CADM1: variants seen among roughly 807,000 people sequenced by gnomAD.
CADM1 encodes TSLC-1.
Under a neutral mutation model 53.1 loss-of-function variants are expected in CADM1, and 15 were observed. The ratio of observed to expected loss-of-function variants is 0.28; its 90% CI spans 0.19 to 0.44. CADM1 has a LOEUF of 0.44. Among genes scored for constraint, CADM1 ranks in the 20% least tolerant of loss-of-function variants. The pLI, the probability that CADM1 is intolerant of heterozygous loss-of-function variation, is 1.00. For synonymous variants in CADM1, 281 were observed against 243.0 expected, an observed-to-expected ratio of 1.16 and a Z score of -1.45; for missense variants, 434 against 611.3, an observed-to-expected ratio of 0.71 and a Z score of 3.06.
chr11:115,370,034 C>T (rs1235324209), intron 1 of CADM1, among the ~76,000 whole-genome samples: 1 of 152,204 alleles, frequency 6.6e-6, no homozygotes, highest in African/African-American at 2.4e-5. Context: ...GCCCTGATCT[C>T]TCCTTCAAGT....
Position 115,200,415 on chromosome 11 carries a change from G to A in CADM1, c.1079-1977C>T, listed in dbSNP as rs560864435. Among the ~76,000 whole-genome samples the A allele has an allele frequency of 3.9e-5, 6 of 152,240 alleles. No individual in the cohort carries two copies. In the East Asian group the frequency reaches 5.8e-4, roughly 15 times the overall value. ...TTAATACATTTTATAGATAGGCATC[G>A]GCTCCTTTCCAAAATTACAAAAAAG... On this transcript the variant is annotated intron_variant, in intron 8 of 11. Transcript: ENST00000331581.
chr11:115,242,199 G>C (rs1942259902), intron 1 of CADM1, among the ~76,000 whole-genome samples: 1 of 151,922 alleles, frequency 6.6e-6, no homozygotes, highest in Admixed American at 6.6e-5. Flanking sequence ...TAGGATCCAG[G>C]GAATTAACCC....
chr11:115,483,289 C>G (rs1949296828), intron 1 of CADM1, among the ~76,000 whole-genome samples: 1 of 152,188 alleles, frequency 6.6e-6, no homozygotes, highest in Non-Finnish European at 1.5e-5. Flanking sequence ...ATTAACCTGG[C>G]AGTCAAAACT....
intron 1 of CADM1, among the ~76,000 whole-genome samples, chr11:115,245,564 C>T (rs1942381577): frequency 1.3e-5 from 2 of 152,190 alleles, no homozygotes; most frequent in South Asian, 4.1e-4. Context: ...GTGGGCCCAA[C>T]TTGGAAGAAG....
chr11:115,488,563 T>C (rs1949427655), intron 1 of CADM1, among the ~76,000 whole-genome samples: 1 of 152,222 alleles, frequency 6.6e-6, no homozygotes, highest in South Asian at 2.1e-4. Context: ...TCCACCTCTA[T>C]ATTCACAGGA....
chr11:115,355,517 G>A (rs564018553), intron 1 of CADM1, among the ~76,000 whole-genome samples: 56 of 152,188 alleles, frequency 3.7e-4, no homozygotes, highest in African/African-American at 1.1e-3. Flanking sequence ...TATTGGGTAC[G>A]AGGCTTAGTA....
chr11:115,220,144 G>A (rs562673103), intron 5 of CADM1, among the ~76,000 whole-genome samples: 1 of 152,106 alleles, frequency 6.6e-6, no homozygotes. Context: ...GCTGGCCTAT[G>A]TGGAAGGATT....
intron 1 of CADM1, among the ~76,000 whole-genome samples, chr11:115,426,485 G>A (rs1373050452): frequency 6.6e-6 from 1 of 152,090 alleles, no homozygotes; most frequent in African/African-American, 2.4e-5. Flanking sequence ...TGTAAAGAAA[G>A]CCTTTCCCCT....
At chr11:115,318,859 A>G (rs1555064269) in intron 1 of CADM1, among the ~76,000 whole-genome samples, 1 of 152,236 alleles carries the variant, frequency 6.6e-6, no homozygotes, top group Non-Finnish European at 1.5e-5. Context: ...TGTAATACAC[A>G]TAAGCATTTT....
chr11:115,459,538 G>C (rs1477268362), intron 1 of CADM1, among the ~76,000 whole-genome samples: 2 of 152,110 alleles, frequency 1.3e-5, no homozygotes, highest in African/African-American at 2.4e-5. Flanking sequence ...AGAAAAGAAA[G>C]AGAGAAGAAA....
intron 1 of CADM1, among the ~76,000 whole-genome samples, chr11:115,389,442 T>A (rs1008742755): frequency 1.3e-5 from 2 of 152,228 alleles, no homozygotes; most frequent in African/African-American, 4.8e-5. Flanking sequence ...AAGATATTTG[T>A]CAAAGCATTG....
chr11:115,284,367 A>G (rs895817920), intron 1 of CADM1, among the ~76,000 whole-genome samples: 1 of 152,080 alleles, frequency 6.6e-6, no homozygotes, highest in African/African-American at 2.4e-5. Flanking sequence ...CACACAGCAC[A>G]AGAGAAGGGA....
intron 6 of CADM1, 75 bp downstream of exon 6, chr11:115,217,817 C>A: frequency 2.2e-6 from 2 of 909,540 alleles, no homozygotes; most frequent in Non-Finnish European, 3.7e-6. Flanking sequence ...AGGCCAAGGA[C>A]TGGTGAATGC....
chr11:115,299,713 A>G (rs575955547), intron 1 of CADM1, among the ~76,000 whole-genome samples: 1 of 152,260 alleles, frequency 6.6e-6, no homozygotes, highest in Admixed American at 6.5e-5. Context: ...TAAGAAGCAG[A>G]AGCAAGACGG....
chr11:115,337,714 A>G (rs1180539134), intron 1 of CADM1, among the ~76,000 whole-genome samples: 1 of 152,172 alleles, frequency 6.6e-6, no homozygotes, highest in Admixed American at 6.5e-5. Flanking sequence ...AATACTATAA[A>G]TAAACTAGAG....
intron 8 of CADM1, among the ~76,000 whole-genome samples, chr11:115,205,789 A>C (rs1288476471): frequency 1.3e-5 from 2 of 152,198 alleles, no homozygotes; most frequent in East Asian, 3.9e-4. Flanking sequence ...GGCAAATCAT[A>C]GTGAGGCTCT....
At chr11:115,458,018 C>A (rs938753425) in intron 1 of CADM1, among the ~76,000 whole-genome samples, 15 of 151,998 alleles carry the variant, frequency 9.9e-5, no homozygotes, top group African/African-American at 3.6e-4. Flanking sequence ...AGCATGACTA[C>A]CTGTGGCGTT....
At chr11:115,274,727 A>G (rs1190985214) in intron 1 of CADM1, among the ~76,000 whole-genome samples, 1 of 152,216 alleles carries the variant, frequency 6.6e-6, no homozygotes, top group Non-Finnish European at 1.5e-5. Flanking sequence ...ACTTCATTAT[A>G]TCTTTCTTTA....
intron 1 of CADM1, among the ~76,000 whole-genome samples, chr11:115,349,102 G>T (rs1178877873): frequency 6.6e-6 from 1 of 152,092 alleles, no homozygotes; most frequent in African/African-American, 2.4e-5. Flanking sequence ...GGTTATATTC[G>T]ATTTCATTTT....
Sources: allele counts gnomAD v4.1 joint callset (sites outside exome capture counted in the v4.1 genomes callset), GRCh38; gene constraint gnomAD v4.1.1; transcripts MANE v1.5; gene names NCBI Gene and HGNC (gene_info 2026-07-23, HGNC 2026-07-21).